Variants in BICDL1 observed in about 807,000 individuals in gnomAD.
The protein encoded by BICDL1 is BICD family-like cargo adapter 1.
In BICDL1, 20 loss-of-function variants were observed where a neutral mutation model predicts 76.8. The observed-to-expected ratio is 0.26, with a 90% CI of 0.18 to 0.38. The LOEUF (loss-of-function observed/expected upper bound fraction) is 0.38, where lower values mean the gene tolerates loss of function less well. BICDL1 is among the 10% of genes least tolerant of loss of function. The pLI is 1.00. For missense variants in BICDL1, 700 were observed against 798.6 expected (o/e 0.88, Z 1.49); for synonymous variants, 383 against 337.1 (o/e 1.14, Z -1.49).
Position 120,093,140 on chromosome 12 carries a change from C to T in BICDL1, c.1845C>T (p.Phe615=), listed in dbSNP as rs1311522406. The T allele has an allele frequency of 1.9e-6, 3 of 1,609,808 alleles. No homozygotes were observed. Among genetic ancestry groups the T allele is most frequent in the Admixed American group, 3.4e-5 (2 of 58,922 alleles). Residue 615 remains phenylalanine, a synonymous_variant, in exon 10 of 10, where the codon TTC becomes TTT. Coordinates refer to ENST00000548673, the MANE Select transcript of BICDL1 (RefSeq NM_001367886.1). ...EPSIAEGKRL[F]SFFRKI ...GCATCGCTGAAGGCAAACGACTCTT[C>T]TCATTCTTCAGGAAAATTTAAGTTG...
At chr12:120,048,618 C>G (rs1453864704) in intron 2 of BICDL1, among the ~76,000 whole-genome samples, 1 of 152,150 alleles carries the variant, frequency 6.6e-6, no homozygotes. Flanking sequence ...CTTACTCACT[C>G]TGTGACCAAG....
chr12:120,074,043 A>G (rs1873324808), intron 6 of BICDL1, among the ~76,000 whole-genome samples: 1 of 152,100 alleles, frequency 6.6e-6, no homozygotes, highest in South Asian at 2.1e-4. Flanking sequence ...CCTCCCAAGT[A>G]GCTGGGACTA....
At chr12:120,080,674 T>A in intron 7 of BICDL1, 1 of 434,774 alleles carries the variant, frequency 2.3e-6, no homozygotes, top group Non-Finnish European at 4.2e-6. Context: ...CCCAGCTCCC[T>A]TGCTGCCGAG....
chr12:120,007,014 TA>T (rs1951862960), intron 2 of BICDL1, among the ~76,000 whole-genome samples: 1 of 152,090 alleles, frequency 6.6e-6, no homozygotes, highest in South Asian at 2.1e-4. Flanking sequence ...TTAGGTTGGA[TA>T]TATGTTTTGA....
chr12:120,042,480 G>A (rs1952661855), intron 2 of BICDL1, among the ~76,000 whole-genome samples: 1 of 152,100 alleles, frequency 6.6e-6, no homozygotes, highest in Non-Finnish European at 1.5e-5. Flanking sequence ...AGTGTTCCAA[G>A]TGGATGTGGT....
chr12:120,037,908 A>C (rs1197611204), intron 2 of BICDL1, among the ~76,000 whole-genome samples: 1 of 152,186 alleles, frequency 6.6e-6, no homozygotes, highest in African/African-American at 2.4e-5. Context: ...CCACAAGCCA[A>C]TTCACTTGGC....
rs1212303342 is a variant in BICDL1, at chr12:120,080,915, C to T, written c.1481C>T (p.Ala494Val). 1 of 1,613,442 alleles carries T rather than the reference C, an allele frequency of 6.2e-7. No homozygotes were observed. The highest frequency in any genetic ancestry group is 8.5e-7 in the Non-Finnish European group (1 of 1,179,828). Residue 494 changes from alanine to valine, a missense_variant, in exon 8 of 10, where the codon GCC becomes GTC. By Grantham distance (64) the Ala-to-Val change is moderately conservative. This residue lies in a region of BICDL1 where 455 missense variants were observed against 548.7 expected (regional missense o/e 0.83). Coordinates refer to ENST00000548673, the MANE Select transcript of BICDL1 (RefSeq NM_001367886.1). ...ACACTGCTGAGTGTGGAGATGACTG[C>T]CCTAAAAGAGGAGAGAGACCGACTC... ...QVTLLSVEMT[A>V]LKEERDRLRV...
intron 2 of BICDL1, among the ~76,000 whole-genome samples, chr12:120,014,773 G>A (rs1214997467): frequency 6.6e-6 from 1 of 151,350 alleles, no homozygotes; most frequent in African/African-American, 2.4e-5. Context: ...CAAGGTGGGA[G>A]GATTGATCCC....
intron 2 of BICDL1, among the ~76,000 whole-genome samples, chr12:120,042,750 A>G (rs1172654595): frequency 6.6e-6 from 1 of 151,322 alleles, no homozygotes; most frequent in Non-Finnish European, 1.5e-5. Flanking sequence ...GGTTGCAGTG[A>G]GCCGAGATTG....
At chr12:120,016,065 C>T (rs189031397) in intron 2 of BICDL1, among the ~76,000 whole-genome samples, 79 of 152,276 alleles carry the variant, frequency 5.2e-4, no homozygotes, top group African/African-American at 1.7e-3. Context: ...TCACTCCTGT[C>T]CCCACCCGCA....
At position 119,989,459 on chromosome 12, in the gene BICDL1, GGCGGCAGCAGCAGCAGCAGCGGCA is replaced by G. The variant is rs1168475451; in HGVS notation, c.-403_-380del. Among the ~76,000 whole-genome samples, 3 of 57,478 alleles carry G rather than the reference GGCGGCAGCAGCAGCAGCAGCGGCA, an allele frequency of 5.2e-5. No homozygotes were observed. Among genetic ancestry groups the G allele is most frequent in the Non-Finnish European group, 8.8e-5 (3 of 34,186 alleles). The allele number at this position is 57,478 out of a possible 152,430, so 37.7% of individuals were successfully genotyped here. ...CCCCGTGAGGCGCTGCCCGGCCGGC[GGCGGCAGCAGCAGCAGCAGCGGCA>G]GCGGCAACAGGGCGGCTGAGAACCC... On this transcript the variant is annotated 5_prime_UTR_variant, in exon 1 of 10. Transcript: ENST00000548673.
At chr12:120,034,492 G>T (rs1322316593) in intron 2 of BICDL1, among the ~76,000 whole-genome samples, 2 of 152,168 alleles carry the variant, frequency 1.3e-5, no homozygotes, top group Non-Finnish European at 2.9e-5. Context: ...CAGGACATGT[G>T]ACTTTATGAC....
At chr12:120,085,612 C>T (rs1046558266) in intron 8 of BICDL1, among the ~76,000 whole-genome samples, 3 of 151,976 alleles carry the variant, frequency 2.0e-5, no homozygotes, top group Non-Finnish European at 4.4e-5. Flanking sequence ...GGGTTCAAGA[C>T]CAGCCTGGGG....
chr12:120,021,009 C>T (rs568741776), intron 2 of BICDL1, among the ~76,000 whole-genome samples: 9 of 152,246 alleles, frequency 5.9e-5, no homozygotes, highest in African/African-American at 1.2e-4. Context: ...ACACTGGTCT[C>T]GTGGTGTCTA....
Position 120,088,212 on chromosome 12 carries a change from C to T in BICDL1, c.1584-1739C>T, listed in dbSNP as rs141436210. Among the ~76,000 whole-genome samples the T allele has an allele frequency of 3.1e-3, 472 of 151,110 alleles. 1 individual carries two copies. Among genetic ancestry groups the T allele is most frequent in the African/African-American group, 9.8e-3 (404 of 41,166 alleles). On this transcript the variant is annotated intron_variant, in intron 8 of 9. Transcript: ENST00000548673. ...CTCCCAAAGTGCTGGGGATTAGAGG[C>T]GTGAGCCACAGCACCCTGCGGACAC...
intron 2 of BICDL1, among the ~76,000 whole-genome samples, chr12:120,032,444 T>G (rs1952441784): frequency 6.6e-6 from 1 of 152,244 alleles, no homozygotes; most frequent in African/African-American, 2.4e-5. Flanking sequence ...TGTCCCATTT[T>G]CTAAGACCAG....
At chr12:120,021,715 G>T (rs1013739003) in intron 2 of BICDL1, among the ~76,000 whole-genome samples, 1 of 150,854 alleles carries the variant, frequency 6.6e-6, no homozygotes, top group Non-Finnish European at 1.5e-5. Flanking sequence ...GATCAACCTG[G>T]CTAACATGGT....
intron 1 of BICDL1, among the ~76,000 whole-genome samples, chr12:119,994,382 A>G (rs1435907586): frequency 1.3e-5 from 2 of 148,824 alleles, no homozygotes; most frequent in Non-Finnish European, 3.0e-5. Flanking sequence ...GCATATTGTC[A>G]GTTTTTTGGT....
At chr12:120,004,041 C>T (rs918409129) in intron 2 of BICDL1, among the ~76,000 whole-genome samples, 1 of 152,188 alleles carries the variant, frequency 6.6e-6, no homozygotes, top group Non-Finnish European at 1.5e-5. Context: ...CAGAGGTTCT[C>T]ATTTGGAAAG....
Sources: gnomAD v4.1 joint callset for allele counts (sites outside exome capture counted in the v4.1 genomes callset) on GRCh38, gnomAD v4.1.1 for gene constraint, gnomAD v4.1.1 regional missense constraint, MANE v1.5 for transcripts, NCBI Gene and HGNC (gene_info 2026-07-23, HGNC 2026-07-21) for gene names.